Variants in CSMD1 observed in about 807,000 individuals in gnomAD.
CSMD1 encodes the protein CUB and sushi domain-containing protein 1.
Under a neutral mutation model 417.5 loss-of-function variants are expected in CSMD1, and 213 were observed. The observed-to-expected ratio is 0.51, with a 90% CI of 0.46 to 0.57. The LOEUF is 0.57. Ranked by LOEUF, CSMD1 falls within the 20% of genes least tolerant of loss-of-function variation. The pLI, the probability that CSMD1 is intolerant of heterozygous loss-of-function variation, is 0.00. For synonymous variants in CSMD1, 2,862 were observed against 1,736.8 expected, an observed-to-expected ratio of 1.65 and a Z score of -16.11; for missense variants, 6,923 against 4,529.7, an observed-to-expected ratio of 1.53 and a Z score of -15.17.
intron 2 of CSMD1, among the ~76,000 whole-genome samples, chr8:4,450,921 G>C (rs528689439): frequency 4.6e-5 from 7 of 152,024 alleles, no homozygotes; most frequent in Admixed American, 2.6e-4. Flanking sequence ...ATCATGGAGA[G>C]GAAAGGGCCA....
intron 11 of CSMD1, among the ~76,000 whole-genome samples, chr8:3,493,180 G>A (rs1042368802): frequency 6.6e-6 from 1 of 151,568 alleles, no homozygotes; most frequent in Non-Finnish European, 1.5e-5. Flanking sequence ...TGTAATCCCA[G>A]CTACTCAGGA....
chr8:3,774,928 G>A (rs963172405), intron 5 of CSMD1, among the ~76,000 whole-genome samples: 9 of 152,096 alleles, frequency 5.9e-5, no homozygotes, highest in Non-Finnish European at 1.2e-4. Flanking sequence ...GAAGGCTACT[G>A]ACTGACCAGC....
chr8:2,999,511 C>T lies in CSMD1; in HGVS notation c.8203+447G>A, dbSNP rs1214566974. 3.9e-5 allele frequency among the ~76,000 whole-genome samples: 6 copies of T among 152,114 alleles called. 1 individual carries two copies. In the East Asian group the frequency reaches 1.2e-3, roughly 29 times the overall value. ...CTTACAAAACTCCCTATATTCTTGA[C>T]GAAGCAATGACAAAAATGTATGCAA... On this transcript the variant is annotated intron_variant, in intron 53 of 69. Transcript: ENST00000635120.
intron 2 of CSMD1, among the ~76,000 whole-genome samples, chr8:4,439,519 T>C (rs561423097): frequency 8.6e-5 from 13 of 151,078 alleles, no homozygotes; most frequent in Non-Finnish European, 1.5e-4. Flanking sequence ...TATACATATA[T>C]GCATACATTT....
intron 3 of CSMD1, among the ~76,000 whole-genome samples, chr8:4,377,777 G>A (rs982546578): frequency 1.4e-4 from 22 of 152,058 alleles, no homozygotes; most frequent in Non-Finnish European, 3.2e-4. Context: ...AGAATTTTTG[G>A]CACCTTTAAA....
In CSMD1 at chr8:3,831,972, A is replaced by G. The variant is rs139269749; in HGVS notation, c.819-77930T>C. Among the ~76,000 whole-genome samples, 168 of 152,286 alleles carry G rather than the reference A, an allele frequency of 1.1e-3. 1 individual carries two copies. The highest frequency in any genetic ancestry group is 4.8e-3 in the South Asian group (23 of 4,830). Reference sequence around the variant, plus strand: ...TTGCAGAGTGTATTAGGTTTTGTACATTTGTGTTGCCACCATCCACATTTT... The same window carrying G: ...TTGCAGAGTGTATTAGGTTTTGTACGTTTGTGTTGCCACCATCCACATTTT... On this transcript the variant is annotated intron_variant, in intron 5 of 69. Transcript: ENST00000635120.
chr8:4,330,213 CGTCAGATCCACCT>C (rs943341164), intron 3 of CSMD1, among the ~76,000 whole-genome samples: 49 of 152,028 alleles, frequency 3.2e-4, no homozygotes, highest in African/African-American at 1.1e-3. Context: ...CCATAACACC[CGTCAGATCCACCT>C]GTCAGATCCA....
At chr8:3,301,697 C>G (rs963699972) in intron 25 of CSMD1, among the ~76,000 whole-genome samples, 5 of 152,076 alleles carry the variant, frequency 3.3e-5, no homozygotes, top group African/African-American at 1.2e-4. Context: ...AAAGATACAC[C>G]TGGAAAGCCG....
intron 2 of CSMD1, among the ~76,000 whole-genome samples, chr8:4,540,804 C>G (rs1470048196): frequency 2.6e-5 from 4 of 152,056 alleles, no homozygotes; most frequent in Admixed American, 2.6e-4. Flanking sequence ...TTATTATCCC[C>G]ATTTTACAGA....
intron 2 of CSMD1, among the ~76,000 whole-genome samples, chr8:4,448,242 T>C (rs1390046251): frequency 1.3e-5 from 2 of 152,214 alleles, no homozygotes; most frequent in African/African-American, 4.8e-5. Flanking sequence ...GGTGAAGGAA[T>C]CAAAAGCCCA....
chr8:3,634,517 C>A (rs1796937236), intron 7 of CSMD1, among the ~76,000 whole-genome samples: 1 of 152,178 alleles, frequency 6.6e-6, no homozygotes, highest in Non-Finnish European at 1.5e-5. Flanking sequence ...CTCCCGGACT[C>A]TGCCCATGTA....
At chr8:4,221,312 C>G (rs986881082) in intron 3 of CSMD1, among the ~76,000 whole-genome samples, 15 of 150,872 alleles carry the variant, frequency 9.9e-5, no homozygotes, top group Non-Finnish European at 1.0e-4. Flanking sequence ...CACTCATGGA[C>G]TTACCACTTC....
chr8:2,977,911 AAAGTC>A (rs1805071745), intron 55 of CSMD1, among the ~76,000 whole-genome samples: 1 of 152,228 alleles, frequency 6.6e-6, no homozygotes, highest in South Asian at 2.1e-4. Context: ...CAATTATTAA[AAAGTC>A]AAGAAACAAC....
intron 1 of CSMD1, among the ~76,000 whole-genome samples, chr8:4,967,033 C>A (rs1345024337): frequency 6.6e-6 from 1 of 152,144 alleles, no homozygotes; most frequent in Non-Finnish European, 1.5e-5. Context: ...ATTGACCAGA[C>A]ATCGCAGTGT....
intron 1 of CSMD1, among the ~76,000 whole-genome samples, chr8:4,730,638 G>C (rs1044367538): frequency 1.3e-4 from 20 of 152,088 alleles, no homozygotes; most frequent in Non-Finnish European, 2.1e-4. Flanking sequence ...CTACTCGGGA[G>C]GCTGAGACAG....
intron 7 of CSMD1, among the ~76,000 whole-genome samples, chr8:3,630,877 G>A (rs944150028): frequency 6.6e-6 from 1 of 152,158 alleles, no homozygotes; most frequent in African/African-American, 2.4e-5. Context: ...TTGGTCTGTT[G>A]GTTATATGCA....
intron 1 of CSMD1, among the ~76,000 whole-genome samples, chr8:4,981,861 A>T (rs1477054069): frequency 6.6e-6 from 1 of 151,982 alleles, no homozygotes; most frequent in Admixed American, 6.6e-5. Flanking sequence ...GAATTGTAGC[A>T]CTCAACTGTG....
At chr8:4,698,318 G>T (rs186766709) in intron 1 of CSMD1, among the ~76,000 whole-genome samples, 2 of 152,034 alleles carry the variant, frequency 1.3e-5, no homozygotes, top group Admixed American at 1.3e-4. Context: ...GATGAACAAC[G>T]GCTCATGGAA....
intron 54 of CSMD1, among the ~76,000 whole-genome samples, chr8:2,995,495 A>G (rs535399456): frequency 3.0e-4 from 46 of 152,200 alleles, no homozygotes; most frequent in Admixed American, 5.9e-4. Context: ...GCAGTTTCTT[A>G]TAAGACTAAA....
Sources: gnomAD v4.1 joint callset for allele counts (sites outside exome capture counted in the v4.1 genomes callset) on GRCh38, gnomAD v4.1.1 for gene constraint, MANE v1.5 for transcripts, NCBI Gene and HGNC (gene_info 2026-07-23, HGNC 2026-07-21) for gene names.